The following SGK1 variants were observed in gnomAD, a reference collection of about 807,000 sequenced individuals.
SGK1 encodes serine/threonine-protein kinase Sgk1.
Under a neutral mutation model 64.2 loss-of-function variants are expected in SGK1, and 26 were observed. That is an observed-to-expected ratio of 0.40 (90% CI 0.30 to 0.56). The LOEUF is 0.56. Ranked by LOEUF, SGK1 falls within the 20% of genes least tolerant of loss-of-function variation. SGK1 has a pLI of 0.38. For missense variants in SGK1, 519 were observed against 645.6 expected (o/e 0.80, Z 2.12); for synonymous variants, 265 against 239.7 (o/e 1.11, Z -0.98).
intron 1 of SGK1, among the ~76,000 whole-genome samples, chr6:134,296,254 T>C (rs1303319625): frequency 6.6e-6 from 1 of 152,202 alleles, no homozygotes; most frequent in East Asian, 1.9e-4. Context: ...GGACATTTTG[T>C]AAATTTTTCA....
Position 134,174,873 on chromosome 6 carries a change from C to CCG in SGK1, c.362-289_362-288dup, listed in dbSNP as rs1582687385. 6.8e-6 allele frequency: 11 copies of CCG among 1,608,816 alleles called. No individual in the cohort carries two copies. The East Asian group carries it at 2.2e-4, about 33-fold the overall frequency. On this transcript the variant is annotated intron_variant, in intron 3 of 13. Transcript: ENST00000367858. ...CCGGCTCGGCGTATGCTGCGCCAGG[C>CCG]CGCGCGCTCGGCCTTATAAAAAAGG...
At chr6:134,183,550 G>A (rs1775364590) in intron 3 of SGK1, among the ~76,000 whole-genome samples, 1 of 152,158 alleles carries the variant, frequency 6.6e-6, no homozygotes, top group Non-Finnish European at 1.5e-5. Flanking sequence ...AAATGGAACT[G>A]CACGTTCCCA....
intron 2 of SGK1, among the ~76,000 whole-genome samples, chr6:134,211,121 T>G (rs879769801): frequency 1.4e-5 from 2 of 145,846 alleles, no homozygotes; most frequent in African/African-American, 5.2e-5. Context: ...AGACTCTGTC[T>G]CAAAAAAAAA....
At chr6:134,203,547 T>C (rs1775720593) in intron 3 of SGK1, among the ~76,000 whole-genome samples, 1 of 151,926 alleles carries the variant, frequency 6.6e-6, no homozygotes, top group Admixed American at 6.6e-5. Flanking sequence ...AAGAGGAAAA[T>C]CTAACCACAT....
At chr6:134,232,413 G>GAAAGAGAAAGAAAGAA (rs79009962) in intron 2 of SGK1, among the ~76,000 whole-genome samples, 1 of 47,706 alleles carries the variant, frequency 2.1e-5, no homozygotes, top group Admixed American at 2.2e-4. Context: ...AAGAAAGAAA[G>GAAAGAGAAAGAAAGAA]AGAAAGAAAG....
intron 1 of SGK1, among the ~76,000 whole-genome samples, chr6:134,288,487 T>C (rs1313458481): frequency 4.6e-5 from 7 of 152,216 alleles, no homozygotes; most frequent in African/African-American, 1.7e-4. Context: ...CATAAAATCC[T>C]TGAAATTAGG....
intron 2 of SGK1, among the ~76,000 whole-genome samples, chr6:134,252,018 A>G (rs949249077): frequency 1.3e-5 from 2 of 152,134 alleles, no homozygotes; most frequent in African/African-American, 2.4e-5. Context: ...CTGTCTCCCA[A>G]AGTGTTGCGA....
At chr6:134,239,445 T>G (rs1398461930) in intron 2 of SGK1, among the ~76,000 whole-genome samples, 1 of 152,228 alleles carries the variant, frequency 6.6e-6, no homozygotes, top group Admixed American at 6.5e-5. Flanking sequence ...TTCTGCTACC[T>G]CTGTCTAACC....
intron 1 of SGK1, among the ~76,000 whole-genome samples, chr6:134,280,615 A>G (rs1056331403): frequency 6.6e-6 from 1 of 152,086 alleles, no homozygotes; most frequent in Non-Finnish European, 1.5e-5. Context: ...CCTAGATTGT[A>G]AATTCTTTAT....
chr6:134,289,827 GA>G (rs1478362442), intron 1 of SGK1, among the ~76,000 whole-genome samples: 1 of 151,762 alleles, frequency 6.6e-6, no homozygotes, highest in East Asian at 1.9e-4. Context: ...GCGACACAGT[GA>G]GACCTCTGTC....
intron 2 of SGK1, among the ~76,000 whole-genome samples, chr6:134,221,918 G>A (rs1776095991): frequency 6.6e-6 from 1 of 152,146 alleles, no homozygotes; most frequent in Admixed American, 6.5e-5. Flanking sequence ...CTCCCAAAGT[G>A]CTAGGATTAC....
intron 2 of SGK1, among the ~76,000 whole-genome samples, chr6:134,232,401 A>G (rs371825865): frequency 0.011 from 243 of 21,392 alleles, 12 homozygotes; most frequent in African/African-American, 0.028. Flanking sequence ...AGAAAGAAGA[A>G]AAAGAAAGAA....
At chr6:134,266,164 T>C (rs1169254964) in intron 1 of SGK1, among the ~76,000 whole-genome samples, 1 of 151,130 alleles carries the variant, frequency 6.6e-6, no homozygotes, top group Non-Finnish European at 1.5e-5. Flanking sequence ...TTTGTATTTT[T>C]AGTAGAGACG....
intron 3 of SGK1, among the ~76,000 whole-genome samples, chr6:134,192,453 G>A (rs1457823911): frequency 2.0e-5 from 3 of 152,134 alleles, no homozygotes; most frequent in African/African-American, 7.2e-5. Context: ...ACAAAATAAA[G>A]GAGTTTTAGA....
intron 2 of SGK1, among the ~76,000 whole-genome samples, chr6:134,242,000 G>A (rs556333011): frequency 1.3e-5 from 2 of 152,084 alleles, no homozygotes; most frequent in South Asian, 2.1e-4. Context: ...CTTAATGACC[G>A]AATGGTGTTT....
chr6:134,198,530 T>C (rs1030603001), intron 3 of SGK1, among the ~76,000 whole-genome samples: 7 of 152,106 alleles, frequency 4.6e-5, no homozygotes, highest in Non-Finnish European at 7.4e-5. Context: ...TGTACTGAAG[T>C]CCTTCCTCTG....
intron 3 of SGK1, among the ~76,000 whole-genome samples, chr6:134,198,921 C>T (rs757209479): frequency 2.0e-5 from 3 of 151,682 alleles, no homozygotes; most frequent in African/African-American, 4.8e-5. Context: ...GGTGTCGCTC[C>T]GTCACCCAGG....
At chr6:134,175,542 A>G in intron 3 of SGK1, 3 of 1,513,018 alleles carry the variant, frequency 2.0e-6, no homozygotes, top group Non-Finnish European at 2.7e-6. Flanking sequence ...GGCGGCGCTT[A>G]CCCAGTCCGC....
chr6:134,226,188 A>G (rs1469324308), intron 2 of SGK1, among the ~76,000 whole-genome samples: 2 of 152,036 alleles, frequency 1.3e-5, no homozygotes, highest in Non-Finnish European at 2.9e-5. Context: ...AAGGAAGGTG[A>G]TATCAACAAA....
Sources: allele counts gnomAD v4.1 joint callset (sites outside exome capture counted in the v4.1 genomes callset), GRCh38; gene constraint gnomAD v4.1.1; transcripts MANE v1.5; gene names NCBI Gene and HGNC (gene_info 2026-07-23, HGNC 2026-07-21).